The following HTT-AS variants were observed in gnomAD, a reference collection of about 807,000 sequenced individuals.
The protein encoded by HTT-AS is HTT antisense RNA (head to head).
chr4:3,067,066 A>G (rs758547421), intron 1 of HTT-AS, among the ~76,000 whole-genome samples: 1 of 152,232 alleles, frequency 6.6e-6, no homozygotes, highest in African/African-American at 2.4e-5. Context: ...TAGAGTCAGT[A>G]TAAATTACGG....
At chr4:3,064,337 G>A (rs2471353) in intron 1 of HTT-AS, among the ~76,000 whole-genome samples, 3,784 of 151,840 alleles carry the variant, frequency 0.025, 150 homozygotes, top group African/African-American at 0.086. Context: ...CTTGTGATCC[G>A]CCTGCCTCAG....
intron 2 of HTT-AS, among the ~76,000 whole-genome samples, chr4:3,051,997 T>C (rs1711712499): frequency 6.6e-6 from 1 of 152,118 alleles, no homozygotes; most frequent in African/African-American, 2.4e-5. Context: ...GGAACAGGAA[T>C]TTTGGGTTCA....
At chr4:3,067,424 G>A (rs185946119) in intron 1 of HTT-AS, among the ~76,000 whole-genome samples, 13 of 152,302 alleles carry the variant, frequency 8.5e-5, no homozygotes, top group African/African-American at 3.1e-4. Context: ...TCCAGACAAT[G>A]ACAAACACCA....
rs1578463497 is a variant in HTT-AS, at chr4:3,049,648, T to C, written n.1431A>G. Among the ~76,000 whole-genome samples, 3 of 152,250 alleles carry C rather than the reference T, an allele frequency of 2.0e-5. No homozygotes were observed. The South Asian group carries it at 6.2e-4, about 32-fold the overall frequency. On this transcript the variant is annotated non_coding_transcript_exon_variant, in exon 3 of 3. Coordinates refer to ENST00000664062, the Ensembl canonical transcript of HTT-AS. The stretch of plus-strand genomic sequence containing the variant: ...TCCCTAAGTTTTGTTGCAGTGCGGA[T>C]GGCAAGGACAGTCTTTCTCTGATGT...
chr4:3,057,157 C>G (rs1238183866), intron 2 of HTT-AS, among the ~76,000 whole-genome samples: 1 of 152,112 alleles, frequency 6.6e-6, no homozygotes, highest in African/African-American at 2.4e-5. Context: ...TCTCAGCCTC[C>G]CGAGTAGCTG....
At chr4:3,049,627 T>G (rs1711663758) in exon 3 of HTT-AS, among the ~76,000 whole-genome samples, 1 of 152,108 alleles carries the variant, frequency 6.6e-6, no homozygotes, top group South Asian at 2.1e-4. Context: ...TCAAGATCCC[T>G]AAGTTTTGTT....
chr4:3,068,623 CTA>C (rs1712101606), intron 1 of HTT-AS, among the ~76,000 whole-genome samples: 1 of 150,266 alleles, frequency 6.7e-6, no homozygotes, highest in Admixed American at 6.6e-5. Context: ...TGTTGTGTCT[CTA>C]TCTTTTGTAA....
At chr4:3,060,700 T>C (rs1266904501) in intron 2 of HTT-AS, among the ~76,000 whole-genome samples, 1 of 152,152 alleles carries the variant, frequency 6.6e-6, no homozygotes. Flanking sequence ...GCTGTGCCAA[T>C]AAGAAAAGGC....
chr4:3,071,895 T>C (rs1406228340), intron 1 of HTT-AS, among the ~76,000 whole-genome samples: 1 of 152,166 alleles, frequency 6.6e-6, no homozygotes, highest in Non-Finnish European at 1.5e-5. Context: ...CTCGGACTTC[T>C]AGCCTCTAGG....
Position 3,072,256 on chromosome 4 carries a change from G to A in HTT-AS, n.113+2170C>T, listed in dbSNP as rs1160349618. 7.2e-5 allele frequency among the ~76,000 whole-genome samples: 11 copies of A among 152,364 alleles called. 1 individual carries two copies. The highest frequency in any genetic ancestry group is 2.2e-4 in the African/African-American group (9 of 41,594). ...CCAGTTCCTCATGGCCTGCTGGACTGAGAACCTCAGTTCTCACTGCCTGTT... is the reference window on the plus strand; with the variant it reads ...CCAGTTCCTCATGGCCTGCTGGACTAAGAACCTCAGTTCTCACTGCCTGTT... On this transcript the variant is annotated intron_variant and non_coding_transcript_variant, in intron 1 of 2. Transcript: ENST00000664062.
chr4:3,067,503 G>A (rs934528938), intron 1 of HTT-AS, among the ~76,000 whole-genome samples: 1 of 152,190 alleles, frequency 6.6e-6, no homozygotes, highest in Non-Finnish European at 1.5e-5. Context: ...GTTATCAGAA[G>A]GAGGCACTTC....
intron 2 of HTT-AS, among the ~76,000 whole-genome samples, chr4:3,055,103 C>T (rs1358579283): frequency 1.3e-5 from 2 of 152,000 alleles, no homozygotes; most frequent in African/African-American, 4.8e-5. Context: ...AATCCCATCA[C>T]TTTGGGAGGC....
intron 1 of HTT-AS, among the ~76,000 whole-genome samples, chr4:3,069,139 C>T (rs1468117288): frequency 6.7e-6 from 1 of 149,288 alleles, no homozygotes; most frequent in East Asian, 1.9e-4. Context: ...AAAGAGGAGA[C>T]AACGGTGTAT....
rs565140226 is a variant in HTT-AS at position 3,058,087 on chromosome 4, G to A, written n.1380+4347C>T. 2.0e-5 allele frequency among the ~76,000 whole-genome samples: 3 copies of A among 151,972 alleles called. No individual in the cohort carries two copies. In the East Asian group the frequency reaches 5.9e-4, roughly 30 times the overall value. On this transcript the variant is annotated intron_variant and non_coding_transcript_variant, in intron 2 of 2. Coordinates refer to ENST00000664062, the Ensembl canonical transcript of HTT-AS. Reference sequence around the variant, plus strand: ...CACGCCTGTAATCCCAGCACTTTGGGAGGCCAAGGCGGGCAGATGACCTGA... The same window carrying A: ...CACGCCTGTAATCCCAGCACTTTGGAAGGCCAAGGCGGGCAGATGACCTGA...
exon 3 of HTT-AS, among the ~76,000 whole-genome samples, chr4:3,049,155 G>A (rs1711654063): frequency 6.6e-6 from 1 of 152,114 alleles, no homozygotes; most frequent in African/African-American, 2.4e-5. Flanking sequence ...CAGGCGTGGT[G>A]GTGCATGCCT....
chr4:3,074,211 C>G lies in HTT-AS; in HGVS notation n.113+215G>C, dbSNP rs1475258608. Among the ~76,000 whole-genome samples the G allele has an allele frequency of 3.8e-5, 5 of 131,076 alleles. 1 individual carries two copies. Among genetic ancestry groups the G allele is most frequent in the African/African-American group, 1.2e-4 (4 of 34,310 alleles). The allele number at this position is 131,076 out of a possible 152,430, so 86.0% of individuals were successfully genotyped here. ...CCTCAGCCGGCCTGCCTAATGTCCC[C>G]GTCCCCAGCATCGCCCCGCCCCGCC... On this transcript the variant is annotated intron_variant and non_coding_transcript_variant, in intron 1 of 2. Coordinates refer to ENST00000664062, the Ensembl canonical transcript of HTT-AS.
At chr4:3,046,480 T>C (rs2857843), downstream of HTT-AS, among the ~76,000 whole-genome samples, 75,028 of 152,098 alleles carry the variant, frequency 0.49, 18,631 homozygotes, top group South Asian at 0.69. Context: ...TAGGTTGCAG[T>C]TCGTCCACAA....
intron 2 of HTT-AS, among the ~76,000 whole-genome samples, chr4:3,054,047 T>A (rs1486473046): frequency 6.6e-6 from 1 of 152,044 alleles, no homozygotes; most frequent in Admixed American, 6.6e-5. Flanking sequence ...TGTGAGCCAC[T>A]GCACCCAGCC....
chr4:3,048,404 AC>A (rs1711640942), downstream of HTT-AS, among the ~76,000 whole-genome samples: 1 of 152,210 alleles, frequency 6.6e-6, no homozygotes, highest in South Asian at 2.1e-4. Flanking sequence ...CTGCATGCAG[AC>A]ATTTAAAACC....
Sources: allele counts gnomAD v4.1 joint callset (sites outside exome capture counted in the v4.1 genomes callset), GRCh38; gene constraint gnomAD v4.1.1; transcripts MANE v1.5; gene names NCBI Gene and HGNC (gene_info 2026-07-23, HGNC 2026-07-21).